HMCN2: variants seen among roughly 807,000 people sequenced by gnomAD.
The protein encoded by HMCN2 is hemicentin 2.
HMCN2 carries 325 observed loss-of-function variants against 377.5 expected under a neutral mutation model. The ratio of observed to expected loss-of-function variants is 0.86; its 90% CI spans 0.79 to 0.94. The LOEUF is 0.94. Ranked by LOEUF, HMCN2 falls within the 40% of genes least tolerant of loss-of-function variation. The probability of loss-of-function intolerance (pLI) is 0.00; values close to 1 mark genes in which losing one functional copy is unlikely to be tolerated. For missense variants in HMCN2, 4,543 were observed against 4,725.3 expected, an observed-to-expected ratio of 0.96 and a Z score of 1.13; for synonymous variants, 2,007 against 2,046.8, an observed-to-expected ratio of 0.98 and a Z score of 0.53.
At chr9:130,306,782 C>T (rs1554936945) in intron 12 of HMCN2, 29 bp from the exon 13 acceptor site, 1 of 453,306 alleles carries the variant, frequency 2.2e-6, no homozygotes, top group South Asian at 1.6e-5. Context: ...CCTTTTGTGA[C>T]CCGATGTGTT....
At chr9:130,337,735 G>A (rs1838827953) in intron 22 of HMCN2, among the ~76,000 whole-genome samples, 159 bp from the exon 23 acceptor site, 1 of 151,162 alleles carries the variant, frequency 6.6e-6, no homozygotes, top group South Asian at 2.1e-4. Flanking sequence ...CTGGCCTGGT[G>A]GTTCAGGGAG....
At position 130,427,559 on chromosome 9, in the gene HMCN2, C is replaced by T. The variant is rs534437535; in HGVS notation, c.14005C>T (p.Arg4669Cys). ...CSHACLNAPG[R>C]FSCTCPTGFA... ...CCATGCCTGCCTTAATGCACCCGGC[C>T]GCTTCTCCTGCACCTGCCCCACTGG... Residue 4669 changes from arginine (R) to cysteine (C), a missense_variant, in exon 92 of 98, where the codon CGC becomes TGC. Arg to Cys is a radical substitution (Grantham distance 180). Coordinates refer to ENST00000683500, the MANE Select transcript of HMCN2 (RefSeq NM_001291815.2). The T allele has an allele frequency of 1.5e-4, 225 of 1,550,524 alleles. No individual in the cohort carries two copies. In the African/African-American group the frequency reaches 1.7e-3, roughly 12 times the overall value.
At chr9:130,267,920 A>C (rs1291720691) in intron 1 of HMCN2, among the ~76,000 whole-genome samples, 1 of 152,160 alleles carries the variant, frequency 6.6e-6, no homozygotes, top group Admixed American at 6.5e-5. Flanking sequence ...CCACTTTCTG[A>C]ATTGTTCTGG....
At chr9:130,398,528 C>T in intron 74 of HMCN2, 23 bp from the exon 75 acceptor site, 3 of 1,188,472 alleles carry the variant, frequency 2.5e-6, no homozygotes, top group Non-Finnish European at 3.2e-6. Context: ...GCACCTGTCT[C>T]CTGACCACTG....
Position 130,427,505 on chromosome 9 carries a change from G to C in HMCN2, c.13951G>C (p.Glu4651Gln), listed in dbSNP as rs114784373. ...ACCCCTTCCTGCCCCAGACAGGGAC[G>C]AGTGCTCAGGAGGCCCTAGCCCCTG... ...SQGAFCVDRD[E>Q]CSGGPSPCSH... The change falls in exon 92 of 98, where the codon GAG (glutamate) becomes CAG (glutamine). Residue 4651 changes from glutamate (E) to glutamine (Q), a missense_variant. Glu to Gln is a conservative substitution (Grantham distance 29). This residue lies in a region of HMCN2 where 1,155 missense variants were observed against 1,157.7 expected (regional missense o/e 1.00). Transcript: ENST00000683500. 1.3e-6 allele frequency: 2 copies of C among 1,550,338 alleles called. No individual in the cohort carries two copies. Among genetic ancestry groups the C allele is most frequent in the South Asian group, 2.4e-5 (2 of 84,056 alleles).
intron 85 of HMCN2, 65 bp from the exon 86 acceptor site, chr9:130,418,707 A>T: frequency 7.6e-7 from 1 of 1,315,714 alleles, no homozygotes; most frequent in South Asian, 2.2e-5. Context: ...GTCTAAATGA[A>T]CATATCCCAC....
chr9:130,430,202 A>G, intron 94 of HMCN2, 82 bp from the exon 95 acceptor site: 1 of 1,160,254 alleles, frequency 8.6e-7, no homozygotes, highest in Non-Finnish European at 1.2e-6. Flanking sequence ...CCAACAAGAG[A>G]GAAGGCAGGG....
intron 15 of HMCN2, among the ~76,000 whole-genome samples, chr9:130,313,775 T>A (rs1837398472): frequency 4.0e-5 from 1 of 25,218 alleles, no homozygotes. Context: ...GTGTGTCCTC[T>A]TTTTTTTTTT....
rs1564809303 is a variant in HMCN2 at position 130,354,958 on chromosome 9, CG to C, written c.5065del (p.Glu1689ArgfsTer41). ...TDGSVLRLES[P>X]GEASSGLYSC... ...GGGAGTGTGCTGAGGCTGGAGAGCCCGGGGGAGGCATCCAGTGGCCTGTACA... is the reference window on the plus strand; with the variant it reads ...GGGAGTGTGCTGAGGCTGGAGAGCCCGGGGAGGCATCCAGTGGCCTGTACA... On this transcript the variant is annotated frameshift_variant, in exon 32 of 98. Transcript: ENST00000683500. LOFTEE classifies it high-confidence loss of function. 7.7e-7 allele frequency: 1 copy of C among 1,302,332 alleles called. No individual in the cohort carries two copies. Among genetic ancestry groups the C allele is most frequent in the Admixed American group, 2.3e-5 (1 of 43,568 alleles). 80.7% of individuals were successfully genotyped at this position (1,302,332 alleles called of 1,614,324 possible).
At chr9:130,384,028 G>A (rs553799495) in intron 57 of HMCN2, among the ~76,000 whole-genome samples, 12 of 152,254 alleles carry the variant, frequency 7.9e-5, no homozygotes, top group African/African-American at 2.2e-4. Flanking sequence ...AACTCATGAC[G>A]TACACCGCAC....
intron 7 of HMCN2, 70 bp downstream of exon 7, chr9:130,296,864 A>AG (rs1836192843): frequency 2.2e-6 from 1 of 453,340 alleles, no homozygotes. Context: ...TTTGGGAAGT[A>AG]GGGGGGAGGT....
At chr9:130,348,776 A>T in intron 27 of HMCN2, 101 bp downstream of exon 27, 2 of 1,262,074 alleles carry the variant, frequency 1.6e-6, no homozygotes, top group South Asian at 2.7e-5. Context: ...GGGCAGGGAG[A>T]TGTGACAGGT....
intron 15 of HMCN2, among the ~76,000 whole-genome samples, chr9:130,315,198 C>A (rs1346831267): frequency 1.4e-4 from 1 of 7,196 alleles, no homozygotes; most frequent in African/African-American, 7.1e-4. Flanking sequence ...CCCTCCCTCC[C>A]CTCCCTCCCC....
In HMCN2 at chr9:130,400,827, A is replaced by G; in HGVS notation, c.11650A>G (p.Met3884Val). Residue 3884 changes from methionine to valine, a missense_variant, in exon 77 of 98, where the codon ATG (methionine) becomes GTG (valine). Met to Val is a conservative substitution (Grantham distance 21). Transcript: ENST00000683500. ...ADDQTDFTVTMMAPVVLTCHS... is the reference protein window; with the variant it reads ...ADDQTDFTVTVMAPVVLTCHS... ...TGACCAGACAGACTTCACCGTGACC[A>G]TGATGGCACCTGTGGTCCTCACATG... The G allele has an allele frequency of 7.8e-7, 1 of 1,289,422 alleles. No homozygotes were observed. The highest frequency in any genetic ancestry group is 1.5e-5 in the African/African-American group (1 of 65,958). 79.9% of individuals were successfully genotyped at this position (1,289,422 alleles called of 1,614,324 possible). A position where few individuals can be genotyped will look rare whatever the true frequency, so the allele number is the denominator to read the frequency against.
chr9:130,332,898 C>G (rs909605476), intron 22 of HMCN2, among the ~76,000 whole-genome samples: 1 of 152,156 alleles, frequency 6.6e-6, no homozygotes, highest in Non-Finnish European at 1.5e-5. Flanking sequence ...CGGGGAGTGC[C>G]GTTCATTCCA....
chr9:130,276,810 G>A (rs1175636633), intron 1 of HMCN2, among the ~76,000 whole-genome samples: 1 of 152,158 alleles, frequency 6.6e-6, no homozygotes, highest in Non-Finnish European at 1.5e-5. Flanking sequence ...CTTTAGAGAT[G>A]GGATAGCTGA....
rs1192551622 is a variant in HMCN2 at position 130,403,412 on chromosome 9, G to A, written c.12013+84G>A. 3.2e-6 allele frequency: 4 copies of A among 1,255,186 alleles called. No homozygotes were observed. In the Admixed American group the frequency reaches 7.1e-5, roughly 22 times the overall value. 77.8% of individuals were successfully genotyped at this position (1,255,186 alleles called of 1,614,324 possible). A position where few individuals can be genotyped will look rare whatever the true frequency, so the allele number is the denominator to read the frequency against. On this transcript the variant is annotated intron_variant, in intron 79 of 97. Transcript: ENST00000683500. ...GGGGGAGTCCTGCTTCCTGCCCTGG[G>A]AGACCCCGCAGACCTGCTGAGAGGT...
At chr9:130,383,139 C>T (rs2131640054) in intron 56 of HMCN2, among the ~76,000 whole-genome samples, 1 of 152,328 alleles carries the variant, frequency 6.6e-6, no homozygotes, top group Admixed American at 6.5e-5. Flanking sequence ...GCGGGATCAC[C>T]AGCTGGCGCG....
chr9:130,356,188 G>A lies in HMCN2; in HGVS notation c.5356G>A (p.Gly1786Ser). The A allele has an allele frequency of 1.5e-6, 2 of 1,303,264 alleles. No homozygotes were observed. Among genetic ancestry groups the A allele is most frequent in the Non-Finnish European group, 2.0e-6 (2 of 988,850 alleles). 80.7% of individuals were successfully genotyped at this position (1,303,264 alleles called of 1,614,324 possible). ...TGACCATGTGGAGCTGGACCACTCAGGCCTCTTCGCCTGCCAGGCCACCAA... is the reference window on the plus strand; with the variant it reads ...TGACCATGTGGAGCTGGACCACTCAAGCCTCTTCGCCTGCCAGGCCACCAA... The part of the protein sequence containing the change: ...HIDHVELDHS[G>S]LFACQATNEA... Residue 1786 changes from glycine (G) to serine (S), a missense_variant, in exon 34 of 98, where the codon GGC becomes AGC. This residue lies in a region of HMCN2 where 1,032 missense variants were observed against 1,285.1 expected (regional missense o/e 0.80). Coordinates refer to ENST00000683500, the MANE Select transcript of HMCN2 (RefSeq NM_001291815.2).
Sources: allele counts gnomAD v4.1 joint callset (sites outside exome capture counted in the v4.1 genomes callset), GRCh38; gene constraint gnomAD v4.1.1; regional missense constraint gnomAD v4.1.1; transcripts MANE v1.5; gene names NCBI Gene and HGNC (gene_info 2026-07-23, HGNC 2026-07-21).